The following TPRA1 variants were observed in gnomAD, a reference collection of about 807,000 sequenced individuals.
TPRA1 encodes transmembrane protein adipocyte-associated 1.
A neutral mutation model predicts 40.1 loss-of-function variants in TPRA1; 28 were observed. The ratio of observed to expected loss-of-function variants is 0.70; its 90% confidence interval spans 0.52 to 0.96. The LOEUF (loss-of-function observed/expected upper bound fraction) is 0.96, where lower values mean the gene tolerates loss of function less well. Among genes scored for constraint, TPRA1 ranks in the 40% least tolerant of loss-of-function variants. The pLI, the probability that TPRA1 is intolerant of heterozygous loss-of-function variation, is 0.00. For synonymous variants in TPRA1, 219 were observed against 209.7 expected, an observed-to-expected ratio of 1.04 and a Z score of -0.38; for missense variants, 441 against 482.6, an observed-to-expected ratio of 0.91 and a Z score of 0.81.
chr3:127,592,367 GT>G (rs746017013), upstream of TPRA1, among the ~76,000 whole-genome samples: 2,937 of 88,480 alleles, frequency 0.033, 77 homozygotes, highest in African/African-American at 0.092. Flanking sequence ...GCAACATGCT[GT>G]TTTTTTTTTT....
At chr3:127,592,845 C>T (rs998248776), upstream of TPRA1, among the ~76,000 whole-genome samples, 11 of 152,022 alleles carry the variant, frequency 7.2e-5, no homozygotes, top group African/African-American at 2.7e-4. Context: ...GACTCTTTCT[C>T]GATCTTCACG....
chr3:127,589,587 A>G (rs1318054611), intron 1 of TPRA1, among the ~76,000 whole-genome samples: 1 of 152,020 alleles, frequency 6.6e-6, no homozygotes, highest in African/African-American at 2.4e-5. Flanking sequence ...GCCTGGGCCC[A>G]ATCTGACCTG....
chr3:127,597,197 A>G (rs538109410), intron 1 of TPRA1, among the ~76,000 whole-genome samples: 1 of 152,024 alleles, frequency 6.6e-6, no homozygotes, highest in South Asian at 2.1e-4. Context: ...CCTGGGTCCC[A>G]GGCAGAGATG....
At chr3:127,578,825 C>T (rs1223140851) in intron 3 of TPRA1, among the ~76,000 whole-genome samples, 4 of 152,140 alleles carry the variant, frequency 2.6e-5, no homozygotes, top group Admixed American at 2.0e-4. Flanking sequence ...GACCAGGGAG[C>T]CACTCAGCTC....
rs2073388628 is a variant in TPRA1, at chr3:127,571,955, T to C, written c.*1566A>G. The C allele has an allele frequency of 6.6e-6, 1 of 152,190 alleles. No homozygotes were observed. The highest frequency in any genetic ancestry group is 2.4e-5 in the African/African-American group (1 of 41,454). 9.4% of individuals were successfully genotyped at this position (152,190 alleles called of 1,614,324 possible). A position where few individuals can be genotyped will look rare whatever the true frequency, so the allele number is the denominator to read the frequency against. On this transcript the variant is annotated 3_prime_UTR_variant, in exon 11 of 11. Coordinates refer to ENST00000355552, the MANE Select transcript of TPRA1 (RefSeq NM_001136053.4). Reference sequence around the variant, plus strand: ...ACTGCATGTGGATCTGATGGTCAAATCCCTGCTGGCCCCAACCCTTACCCC... The same window carrying C: ...ACTGCATGTGGATCTGATGGTCAAACCCCTGCTGGCCCCAACCCTTACCCC...
chr3:127,575,673 A>C lies in TPRA1; in HGVS notation c.670+76T>G. ...CTGGAACTCTACAGCTCCAGCTCCC[A>C]GCTACCAGCTCTACAGTGGCCCGGT... On this transcript the variant is annotated intron_variant, in intron 8 of 10. Transcript: ENST00000355552. The C allele has an allele frequency of 2.6e-6, 4 of 1,565,412 alleles. No individual in the cohort carries two copies. In the Admixed American group the frequency reaches 6.7e-5, roughly 26 times the overall value.
At chr3:127,573,999 G>A (rs1052817437) in intron 10 of TPRA1, among the ~76,000 whole-genome samples, 54 of 152,154 alleles carry the variant, frequency 3.5e-4, no homozygotes, top group Admixed American at 2.5e-3. Flanking sequence ...GAGCTCAGGC[G>A]GGGGGCATCT....
chr3:127,583,757 G>C (rs911758425), intron 1 of TPRA1, among the ~76,000 whole-genome samples: 1 of 151,018 alleles, frequency 6.6e-6, no homozygotes, highest in African/African-American at 2.4e-5. Flanking sequence ...TTCAACCTCT[G>C]CCTCCCAGGT....
chr3:127,591,246 G>A (rs2074163475), upstream of TPRA1, among the ~76,000 whole-genome samples: 2 of 152,142 alleles, frequency 1.3e-5, no homozygotes, highest in African/African-American at 4.8e-5. Context: ...CCGCAGGGCC[G>A]CCGCCTCCCA....
At chr3:127,593,821 G>A (rs756196314), upstream of TPRA1, among the ~76,000 whole-genome samples, 6 of 152,180 alleles carry the variant, frequency 3.9e-5, no homozygotes, top group Non-Finnish European at 7.3e-5. Flanking sequence ...CACGGCCCCC[G>A]CTTCTCAGGG....
chr3:127,575,988 G>A lies in TPRA1; in HGVS notation c.561C>T (p.Gly187=), dbSNP rs2073606993. Residue 187 remains glycine, a synonymous_variant, in exon 7 of 11, where the codon GGC becomes GGT. Transcript: ENST00000355552. ...HLSAEDFNIY[G]HGGRQFWLVS... Reference sequence around the variant, plus strand: ...CCAGCCAGAACTGGCGGCCCCCATGGCCATAGATATTAAAGTCCTCAGCTG... The same window carrying A: ...CCAGCCAGAACTGGCGGCCCCCATGACCATAGATATTAAAGTCCTCAGCTG... The A allele has an allele frequency of 6.2e-7, 1 of 1,614,064 alleles. No homozygotes were observed.
At chr3:127,584,769 C>A (rs969801362) in intron 1 of TPRA1, among the ~76,000 whole-genome samples, 1 of 152,158 alleles carries the variant, frequency 6.6e-6, no homozygotes, top group Admixed American at 6.5e-5. Flanking sequence ...GGTGTGAAGA[C>A]ATAAACTCTA....
At position 127,576,869 on chromosome 3, in the gene TPRA1, A is replaced by T; in HGVS notation, c.370T>A (p.Phe124Ile). ...DKILWEITRF[F>I]LLAIELSVII... ...ACACTCAGCTCGATGGCCAGCAGGA[A>T]GAAGCGGGTGATCTCCCACAGGATC... Residue 124 changes from phenylalanine to isoleucine, a missense_variant, in exon 5 of 11, where the codon TTC becomes ATC. Coordinates refer to ENST00000355552, the MANE Select transcript of TPRA1 (RefSeq NM_001136053.4). This position sits in a 1 kb window ranked among gnomAD's most constrained non-coding sequence, Gnocchi z 4.6. 1 of 1,613,872 alleles carries T rather than the reference A, an allele frequency of 6.2e-7. No individual in the cohort carries two copies. Among genetic ancestry groups the T allele is most frequent in the African/African-American group, 1.3e-5 (1 of 74,994 alleles).
chr3:127,578,837 CAT>C (rs2073731669), intron 3 of TPRA1, among the ~76,000 whole-genome samples: 1 of 152,186 alleles, frequency 6.6e-6, no homozygotes, highest in Non-Finnish European at 1.5e-5. Flanking sequence ...ACTCAGCTCT[CAT>C]GTGGTGGTAT....
In TPRA1 at chr3:127,576,719, C is replaced by G; in HGVS notation, c.419-23G>C. On this transcript the variant is annotated intron_variant, in intron 5 of 10. Coordinates refer to ENST00000355552, the MANE Select transcript of TPRA1 (RefSeq NM_001136053.4). This position sits in a 1 kb window ranked among gnomAD's most constrained non-coding sequence, Gnocchi z 4.6. The stretch of plus-strand genomic sequence containing the variant: ...GGCCTGGAAGAAACATGCTGGTCAG[C>G]AGGCAGGAGCCAGCCCAGGTGACCA... 6.2e-7 allele frequency: 1 copy of G among 1,609,408 alleles called. No individual in the cohort carries two copies.
In TPRA1 at chr3:127,590,587, T is replaced by C. The variant is rs1264800432; in HGVS notation, c.-195A>G. 2 of 152,048 alleles carry C rather than the reference T, an allele frequency of 1.3e-5. No individual in the cohort carries two copies. The highest frequency in any genetic ancestry group is 2.9e-5 in the Non-Finnish European group (2 of 67,988). The allele number at this position is 152,048 out of a possible 1,614,324, so 9.4% of individuals were successfully genotyped here. On this transcript the variant is annotated 5_prime_UTR_variant, in exon 1 of 11. Coordinates refer to ENST00000355552, the MANE Select transcript of TPRA1 (RefSeq NM_001136053.4). The stretch of plus-strand genomic sequence containing the variant: ...ACCGGGCGCGACCGGCTCCGTGGAA[T>C]GAGGGCTAGGCAGGAAAGGCGAGGC...
intron 1 of TPRA1, among the ~76,000 whole-genome samples, chr3:127,596,897 CA>C (rs1195531594): frequency 6.6e-6 from 1 of 152,156 alleles, no homozygotes; most frequent in African/African-American, 2.4e-5. Context: ...CAGGCGGATC[CA>C]CTTGTCAGGA....
rs1463179097 is a variant in TPRA1 at position 127,571,270 on chromosome 3, A to G, written c.*2251T>C. On this transcript the variant is annotated 3_prime_UTR_variant, in exon 11 of 11. Transcript: ENST00000355552. ...ACCTGCAAGGAAGGCTAGAAAATGC[A>G]GTCTTTATTCTAGACAGCTGTGTAT... 4 of 152,246 alleles carry G rather than the reference A, an allele frequency of 2.6e-5. No homozygotes were observed. Among genetic ancestry groups the G allele is most frequent in the Non-Finnish European group, 5.9e-5 (4 of 68,050 alleles). 9.4% of individuals were successfully genotyped at this position (152,246 alleles called of 1,614,324 possible). A position where few individuals can be genotyped will look rare whatever the true frequency, so the allele number is the denominator to read the frequency against.
intron 10 of TPRA1, 120 bp from the exon 11 acceptor site, chr3:127,573,908 ACT>A: frequency 7.7e-7 from 1 of 1,297,212 alleles, no homozygotes; most frequent in Non-Finnish European, 1.0e-6. Context: ...CCTGACACCC[ACT>A]CTGAGTGGGC....
Sources: gnomAD v4.1 joint callset for allele counts (sites outside exome capture counted in the v4.1 genomes callset) on GRCh38, gnomAD v4.1.1 for gene constraint, Gnocchi (gnomAD v3.1) non-coding constraint, MANE v1.5 for transcripts, NCBI Gene and HGNC (gene_info 2026-07-23, HGNC 2026-07-21) for gene names.